NCOR2: variants seen among roughly 807,000 people sequenced by gnomAD.
NCOR2 encodes nuclear receptor corepressor 2, also known as CTG repeat protein 26.
In NCOR2, 81 loss-of-function variants were observed where a neutral mutation model predicts 262.9. That is an observed-to-expected ratio of 0.31 (90% CI 0.26 to 0.37). The LOEUF (loss-of-function observed/expected upper bound fraction) is 0.37. NCOR2 is among the 10% of genes least tolerant of loss of function. NCOR2 has a pLI of 1.00. For synonymous variants in NCOR2, 1,659 were observed against 1,559.3 expected (o/e 1.06, Z -1.51); for missense variants, 3,385 against 3,621.4 (o/e 0.93, Z 1.68).
chr12:124,346,819 C>A, exon 31 of NCOR2: 1 of 1,579,486 alleles, frequency 6.3e-7, no homozygotes, highest in Admixed American at 1.8e-5. Context: ...GCAGGTAGTC[C>A]TCCTGTGCCT....
At chr12:124,477,599 A>G (rs2047174739) in intron 3 of NCOR2, among the ~76,000 whole-genome samples, 2 of 152,222 alleles carry the variant, frequency 1.3e-5, no homozygotes, top group African/African-American at 2.4e-5. Flanking sequence ...CGAGCTCTTC[A>G]CTTTAATGTG....
Position 124,399,318 on chromosome 12 carries a change from G to A in NCOR2, c.1814-1137C>T, listed in dbSNP as rs1231336026. Among the ~76,000 whole-genome samples, 7 of 152,296 alleles carry A rather than the reference G, an allele frequency of 4.6e-5. No homozygotes were observed. In the East Asian group the frequency reaches 1.2e-3, roughly 25 times the overall value. On this transcript the variant is annotated intron_variant, in intron 15 of 46. Coordinates refer to ENST00000405201, the Ensembl canonical transcript of NCOR2. ...GCCAGGGGTGCTGAGGGTGCCCAGT[G>A]CCAGAAGAGACATGGAAGGCCTAGG... is the stretch of plus-strand genomic sequence containing the variant.
chr12:124,350,753 G>GGTGAGC lies in NCOR2; in HGVS notation c.3694-22_3694-17dup. 1 of 1,605,840 alleles carries GGTGAGC rather than the reference G, an allele frequency of 6.2e-7. No homozygotes were observed. Among genetic ancestry groups the GGTGAGC allele is most frequent in the Non-Finnish European group, 8.5e-7 (1 of 1,178,332 alleles). ...CTGGCGTGCCCTGCAGGTGCAGAGG[G>GGTGAGC]GTGAGCGCCCAGGAGGCTGCAGCCC... On this transcript the variant is annotated splice_polypyrimidine_tract_variant and intron_variant, in intron 27 of 46. Transcript: ENST00000405201.
intron 4 of NCOR2, among the ~76,000 whole-genome samples, chr12:124,466,824 T>C (rs2046440062): frequency 6.6e-6 from 1 of 152,026 alleles, no homozygotes; most frequent in African/African-American, 2.4e-5. Flanking sequence ...TCTCTAAGCC[T>C]TACCTTCCTC....
chr12:124,498,333 A>AGCTG (rs1421634514), upstream of NCOR2, among the ~76,000 whole-genome samples: 6 of 152,300 alleles, frequency 3.9e-5, no homozygotes, highest in South Asian at 6.2e-4. Flanking sequence ...AGTGCCCCGC[A>AGCTG]GCTGGCTGGC....
intron 11 of NCOR2, among the ~76,000 whole-genome samples, chr12:124,423,741 A>T (rs1164874193): frequency 6.6e-6 from 1 of 152,146 alleles, no homozygotes; most frequent in Non-Finnish European, 1.5e-5. Context: ...CAAACTTGGG[A>T]ATCTCCTAGG....
In NCOR2 at chr12:124,388,897, C is replaced by T. The variant is rs138123377; in HGVS notation, c.1877-3010G>A. 2.6e-5 allele frequency: 6 copies of T among 232,102 alleles called. No homozygotes were observed. In the South Asian group the frequency reaches 4.6e-4, roughly 18 times the overall value. The allele number at this position is 232,102 out of a possible 1,614,324, so 14.4% of individuals were successfully genotyped here. ...GGGAGGGAGGGAGGGAGGGAGGGAG[C>T]GAGGGAGGGAGGGACGCGGCGGGCG... On this transcript the variant is annotated intron_variant, in intron 16 of 46. Coordinates refer to ENST00000405201, the Ensembl canonical transcript of NCOR2.
rs3782255 is a variant in NCOR2 at position 124,369,829 on chromosome 12, G to T, written c.2807+2193C>A. 5.1e-3 allele frequency among the ~76,000 whole-genome samples: 769 copies of T among 152,238 alleles called. 34 individuals are homozygous for T. The East Asian group carries it at 0.1, about 21-fold the overall frequency. ...CTCGGGGAGGGAGGACACGGCCCTG[G>T]GCGGGGCTGCAGGGGAGAGGACGGG... is the stretch of plus-strand genomic sequence containing the variant. On this transcript the variant is annotated intron_variant, in intron 20 of 46. Coordinates refer to ENST00000405201, the Ensembl canonical transcript of NCOR2.
intron 16 of NCOR2, among the ~76,000 whole-genome samples, chr12:124,395,756 T>C (rs1038848234): frequency 7.9e-5 from 12 of 151,890 alleles, no homozygotes; most frequent in African/African-American, 2.9e-4. Context: ...CGAGAAGGGA[T>C]GGAGAGGCGG....
chr12:124,434,686 G>C (rs895880173), intron 8 of NCOR2, among the ~76,000 whole-genome samples: 2 of 152,316 alleles, frequency 1.3e-5, no homozygotes, highest in African/African-American at 4.8e-5. Flanking sequence ...TCAAGGAGGC[G>C]GCAAGATCGC....
chr12:124,504,588 G>T lies in NCOR2; in HGVS notation c.-117-9220C>A, dbSNP rs1317259271. On this transcript the variant is annotated intron_variant, in intron 1 of 46. Transcript: ENST00000404621. The surrounding 1 kb of genome is among the most constrained non-coding windows in gnomAD (Gnocchi z 4.5). ...CAAAACAAACAGAAAGGATTAGAAT[G>T]CCCACAGCAGCACTATTTACATCAG... Among the ~76,000 whole-genome samples the T allele has an allele frequency of 6.6e-6, 1 of 152,216 alleles. No homozygotes were observed. The highest frequency in any genetic ancestry group is 2.4e-5 in the African/African-American group (1 of 41,446).
At chr12:124,529,046 G>A (rs752136044) in intron 1 of NCOR2, among the ~76,000 whole-genome samples, 22 of 152,098 alleles carry the variant, frequency 1.4e-4, no homozygotes, top group Middle Eastern at 3.4e-3. Context: ...AGGCGTGGTG[G>A]CGCATGCCTA....
chr12:124,348,967 T>C (rs746822986), intron 28 of NCOR2: 1 of 153,192 alleles, frequency 6.5e-6, no homozygotes, highest in Non-Finnish European at 1.5e-5. Context: ...TGCTGAGAAC[T>C]AAGTGGGTCC....
At chr12:124,410,135 G>A (rs922003113) in intron 13 of NCOR2, among the ~76,000 whole-genome samples, 1 of 150,514 alleles carries the variant, frequency 6.6e-6, no homozygotes, top group Non-Finnish European at 1.5e-5. Flanking sequence ...CAAGGCTGCT[G>A]TTCTGGGAAC....
Position 124,355,551 on chromosome 12 carries a change from G to A in NCOR2, c.3262C>T (p.Leu1088Phe), listed in dbSNP as rs1210041700. The change falls in exon 24 of 47, where the codon CTC (leucine) becomes TTC (phenylalanine). Residue 1088 changes from leucine to phenylalanine, a missense_variant. Leu to Phe is a conservative substitution (Grantham distance 22). Coordinates refer to ENST00000405201, the Ensembl canonical transcript of NCOR2. ...AGGACGGGCCGGGCAGTGTCATGGA[G>A]GCCCAGGGGCAGTGGGTGACCTGTG... 6 of 1,582,468 alleles carry A rather than the reference G, an allele frequency of 3.8e-6. No homozygotes were observed. The African/African-American group carries it at 8.1e-5, about 21-fold the overall frequency.
chr12:124,534,599 G>C (rs2051025578), intron 1 of NCOR2, among the ~76,000 whole-genome samples: 1 of 152,230 alleles, frequency 6.6e-6, no homozygotes, highest in African/African-American at 2.4e-5. Flanking sequence ...TCATGAGCCA[G>C]AACACGCTGT....
At position 124,449,804 on chromosome 12, in the gene NCOR2, C is replaced by A; in HGVS notation, c.815+11G>T. On this transcript the variant is annotated intron_variant, in intron 7 of 46. Coordinates refer to ENST00000405201, the Ensembl canonical transcript of NCOR2. ...CTCTGTGTGTCTGCACGGCTGCCCG[C>A]GAGCACTCACATTTTGATGTTCTCA... 2.5e-6 allele frequency: 4 copies of A among 1,613,960 alleles called. No homozygotes were observed. The highest frequency in any genetic ancestry group is 3.4e-6 in the Non-Finnish European group (4 of 1,179,944).
Position 124,334,418 on chromosome 12 carries a change from G to T in NCOR2, c.6605+6C>A, listed in dbSNP as rs537684542. The T allele has an allele frequency of 6.6e-7, 1 of 1,522,452 alleles. No individual in the cohort carries two copies. Among genetic ancestry groups the T allele is most frequent in the East Asian group, 2.7e-5 (1 of 37,282 alleles). 94.3% of individuals were successfully genotyped at this position (1,522,452 alleles called of 1,614,324 possible). On this transcript the variant is annotated splice_donor_region_variant and intron_variant, in intron 41 of 46. Coordinates refer to ENST00000405201, the Ensembl canonical transcript of NCOR2. Reference sequence around the variant, plus strand: ...CCAGCAAGAGGCACCCCCATCCCTCGCTCACCTCTTGCCCCCTTCGCTGTG... The same window carrying T: ...CCAGCAAGAGGCACCCCCATCCCTCTCTCACCTCTTGCCCCCTTCGCTGTG...
rs1465982867 is a variant in NCOR2, at chr12:124,483,011, C to T, written c.411+585G>A. On this transcript the variant is annotated intron_variant, in intron 3 of 46. Coordinates refer to ENST00000405201, the Ensembl canonical transcript of NCOR2. The surrounding 1 kb of genome is among the most constrained non-coding windows in gnomAD (Gnocchi z 6.3). Reference sequence around the variant, plus strand: ...ACTTTGCGGGACTCTGGAGTCTCCCCTCCCTGACCCTTAAGAATCCAGAAG... The same window carrying T: ...ACTTTGCGGGACTCTGGAGTCTCCCTTCCCTGACCCTTAAGAATCCAGAAG... 6.6e-6 allele frequency among the ~76,000 whole-genome samples: 1 copy of T among 152,132 alleles called. No homozygotes were observed. Among genetic ancestry groups the T allele is most frequent in the African/African-American group, 2.4e-5 (1 of 41,422 alleles).
Sources: gnomAD v4.1 joint callset for allele counts (sites outside exome capture counted in the v4.1 genomes callset) on GRCh38, gnomAD v4.1.1 for gene constraint, Gnocchi (gnomAD v3.1) non-coding constraint, MANE v1.5 for transcripts, NCBI Gene and HGNC (gene_info 2026-07-23, HGNC 2026-07-21) for gene names.